Variants in CPT1A observed in about 807,000 individuals in gnomAD.
CPT1A encodes the protein carnitine palmitoyltransferase 1A, also known as carnitine O-palmitoyltransferase 1, liver isoform.
Under a neutral mutation model 100.8 loss-of-function variants are expected in CPT1A, and 64 were observed. The observed-to-expected ratio is 0.63, with a 90% CI of 0.52 to 0.78. The LOEUF is 0.78. CPT1A is among the 30% of genes least tolerant of loss of function. CPT1A has a pLI of 0.00. For synonymous variants in CPT1A, 363 were observed against 396.0 expected, an observed-to-expected ratio of 0.92 and a Z score of 0.99; for missense variants, 802 against 1,034.1, an observed-to-expected ratio of 0.78 and a Z score of 3.08.
At chr11:68,817,996 G>A (rs997793176) in intron 1 of CPT1A, among the ~76,000 whole-genome samples, 1 of 152,110 alleles carries the variant, frequency 6.6e-6, no homozygotes, top group African/African-American at 2.4e-5. Flanking sequence ...TGCTAGCAAT[G>A]GAGAAGCATC....
intron 9 of CPT1A, among the ~76,000 whole-genome samples, chr11:68,787,145 G>C (rs1855485101): frequency 6.6e-6 from 1 of 152,146 alleles, no homozygotes; most frequent in African/African-American, 2.4e-5. Flanking sequence ...TAAGAATACA[G>C]CTGGGTAGTG....
At chr11:68,802,789 C>G (rs1481404838) in intron 5 of CPT1A, among the ~76,000 whole-genome samples, 1 of 147,148 alleles carries the variant, frequency 6.8e-6, no homozygotes, top group East Asian at 2.0e-4. Context: ...CCCAGCTACT[C>G]AGGAGGCTGA....
intron 4 of CPT1A, 41 bp from the exon 5 acceptor site, chr11:68,804,142 A>T: frequency 2.0e-6 from 3 of 1,481,972 alleles, no homozygotes; most frequent in Non-Finnish European, 2.8e-6. Context: ...CTGCCATACT[A>T]CTCTGAAGGC....
chr11:68,784,151 C>T (rs1196104704), intron 10 of CPT1A, among the ~76,000 whole-genome samples: 1 of 152,232 alleles, frequency 6.6e-6, no homozygotes, highest in East Asian at 1.9e-4. Flanking sequence ...GCGTGAGCCA[C>T]TGCGCCCGGC....
rs761944958 is a variant in CPT1A at position 68,780,704 on chromosome 11, C to A, written c.1394G>T (p.Gly465Val). ...GTGTTCAGCGTTGAGGCCCATCTTC[C>A]CGTTTTTGAAGACAACAAACGTGAA... ...KSFTFVVFKNGKMGLNAEHSW... is the reference protein window; with the variant it reads ...KSFTFVVFKNVKMGLNAEHSW... The change falls in exon 12 of 19, where the codon GGG becomes GTG. Residue 465 changes from glycine to valine, a missense_variant. Transcript: ENST00000265641. 1 of 1,614,194 alleles carries A rather than the reference C, an allele frequency of 6.2e-7. No homozygotes were observed. Among genetic ancestry groups the A allele is most frequent in the Non-Finnish European group, 8.5e-7 (1 of 1,180,028 alleles).
chr11:68,775,681 C>T (rs1005125004), intron 12 of CPT1A, among the ~76,000 whole-genome samples: 3 of 152,188 alleles, frequency 2.0e-5, no homozygotes, highest in Non-Finnish European at 4.4e-5. Context: ...GGCAAGTAAA[C>T]CTAAGCCAAT....
intron 16 of CPT1A, among the ~76,000 whole-genome samples, chr11:68,760,842 G>A (rs1036947897): frequency 2.0e-5 from 3 of 151,894 alleles, no homozygotes; most frequent in Non-Finnish European, 2.9e-5. Flanking sequence ...GTGAAACCCC[G>A]TCTCTACTAA....
At chr11:68,760,155 G>T in intron 17 of CPT1A, 70 bp downstream of exon 17, 1 of 1,092,482 alleles carries the variant, frequency 9.2e-7, no homozygotes, top group Non-Finnish European at 1.4e-6. Context: ...ACGGAGATGG[G>T]CCCATCACAC....
chr11:68,760,842 G>T (rs1036947897), intron 16 of CPT1A, among the ~76,000 whole-genome samples: 1 of 151,896 alleles, frequency 6.6e-6, no homozygotes, highest in Non-Finnish European at 1.5e-5. Context: ...GTGAAACCCC[G>T]TCTCTACTAA....
chr11:68,760,154 G>T, intron 17 of CPT1A, 71 bp downstream of exon 17: 1 of 1,075,430 alleles, frequency 9.3e-7, no homozygotes, highest in Non-Finnish European at 1.4e-6. Flanking sequence ...CACGGAGATG[G>T]GCCCATCACA....
At chr11:68,784,404 T>C (rs1325941583) in intron 10 of CPT1A, among the ~76,000 whole-genome samples, 1 of 151,980 alleles carries the variant, frequency 6.6e-6, no homozygotes, top group Non-Finnish European at 1.5e-5. Flanking sequence ...CTACTAGGCA[T>C]GGTGGCGCAC....
chr11:68,811,402 C>T (rs558981978), intron 3 of CPT1A, among the ~76,000 whole-genome samples: 1 of 152,302 alleles, frequency 6.6e-6, no homozygotes, highest in African/African-American at 2.4e-5. Flanking sequence ...AGCTTTCAGA[C>T]CCGAAAGTAA....
chr11:68,829,463 C>T (rs1486713400), intron 1 of CPT1A, among the ~76,000 whole-genome samples: 4 of 152,176 alleles, frequency 2.6e-5, no homozygotes, highest in African/African-American at 7.2e-5. Flanking sequence ...CCAAGCTGCA[C>T]AGCAGGGCGT....
At chr11:68,777,258 C>G (rs1433559747) in intron 12 of CPT1A, among the ~76,000 whole-genome samples, 5 of 151,898 alleles carry the variant, frequency 3.3e-5, no homozygotes, top group Non-Finnish European at 2.9e-5. Flanking sequence ...GGCAAAACCC[C>G]GTCTCTACAA....
At chr11:68,773,463 G>A (rs370629964) in intron 13 of CPT1A, 34 bp from the exon 14 acceptor site, 67 of 1,613,738 alleles carry the variant, frequency 4.2e-5, no homozygotes, top group African/African-American at 5.3e-5. Flanking sequence ...TTTACGGAAC[G>A]AGGGGAGAAA....
chr11:68,760,073 G>T, intron 17 of CPT1A, 152 bp downstream of exon 17: 1 of 666,398 alleles, frequency 1.5e-6, no homozygotes, highest in Non-Finnish European at 2.7e-6. Context: ...AGACTGCCAA[G>T]GACATCCATA....
chr11:68,793,130 A>G (rs563302972), intron 9 of CPT1A, among the ~76,000 whole-genome samples, 185 bp downstream of exon 9: 11 of 152,340 alleles, frequency 7.2e-5, no homozygotes, highest in Admixed American at 6.5e-4. Context: ...AAATCTGGAA[A>G]TAAGTCAACA....
At chr11:68,775,562 G>C in intron 12 of CPT1A, 130 bp from the exon 13 acceptor site, 1 of 724,464 alleles carries the variant, frequency 1.4e-6, no homozygotes, top group Non-Finnish European at 2.4e-6. Flanking sequence ...AAGGCTTCCA[G>C]TATGCTCAGC....
At position 68,776,258 on chromosome 11, in the gene CPT1A, G is replaced by A. The variant is rs550233004; in HGVS notation, c.1459-826C>T. 1.2e-4 allele frequency among the ~76,000 whole-genome samples: 19 copies of A among 152,286 alleles called. No individual in the cohort carries two copies. The East Asian group carries it at 3.7e-3, about 29-fold the overall frequency. ...ACAAGAAATTTTAAAAATTAGCCAG[G>A]TGTGGTGGCACATGGCTGTAGTCCC... On this transcript the variant is annotated intron_variant, in intron 12 of 18. Transcript: ENST00000265641.
Sources: gnomAD v4.1 joint callset for allele counts (sites outside exome capture counted in the v4.1 genomes callset) on GRCh38, gnomAD v4.1.1 for gene constraint, MANE v1.5 for transcripts, NCBI Gene and HGNC (gene_info 2026-07-23, HGNC 2026-07-21) for gene names.